The following EPCAM variants were observed in gnomAD, a reference collection of about 807,000 sequenced individuals.
The protein encoded by EPCAM is adenocarcinoma-associated antigen.
In EPCAM, 39 loss-of-function variants were observed where a neutral mutation model predicts 40.0. The observed-to-expected ratio is 0.98, with a 90% CI of 0.76 to 1.27. EPCAM has a LOEUF of 1.27. Among genes scored for constraint, EPCAM ranks in the 50% most tolerant of loss-of-function variants. The pLI, the probability that EPCAM is intolerant of heterozygous loss-of-function variation, is 0.00. For missense variants in EPCAM, 503 were observed against 381.2 expected, an observed-to-expected ratio of 1.32 and a Z score of -2.66; for synonymous variants, 168 against 132.3, an observed-to-expected ratio of 1.27 and a Z score of -1.85.
At position 47,386,997 on chromosome 2, in the gene EPCAM, T is replaced by C. The variant is rs1171409765; in HGVS notation, c.*384T>C. ...TACATACATACTTTTTTATGAGCTA[T>C]GAAATAAAACATTTTAAACTGAATT... On this transcript the variant is annotated 3_prime_UTR_variant, in exon 9 of 9. Transcript: ENST00000263735. The C allele has an allele frequency of 8.6e-6, 2 of 233,912 alleles. No individual in the cohort carries two copies. Among genetic ancestry groups the C allele is most frequent in the Non-Finnish European group, 1.7e-5 (2 of 119,140 alleles). The allele number at this position is 233,912 out of a possible 1,614,324, so 14.5% of individuals were successfully genotyped here. A position where few individuals can be genotyped will look rare whatever the true frequency, so the allele number is the denominator to read the frequency against.
chr2:47,383,855 TC>T (rs1451555034), intron 7 of EPCAM, among the ~76,000 whole-genome samples: 1 of 151,796 alleles, frequency 6.6e-6, no homozygotes, highest in Non-Finnish European at 1.5e-5. Context: ...CAGGCTGATC[TC>T]GAAATCCTGA....
At chr2:47,376,579 T>C (rs932834660) in intron 4 of EPCAM, among the ~76,000 whole-genome samples, 4 of 152,192 alleles carry the variant, frequency 2.6e-5, no homozygotes, top group African/African-American at 9.6e-5. Context: ...CCCTCTTAAC[T>C]AAAAGCAGGT....
In EPCAM at chr2:47,373,442, A is replaced by G. The variant is rs1573393200; in HGVS notation, c.77-21A>G. 3 of 1,399,974 alleles carry G rather than the reference A, an allele frequency of 2.1e-6. No individual in the cohort carries two copies. The South Asian group carries it at 3.6e-5, about 17-fold the overall frequency. 86.7% of individuals were successfully genotyped at this position (1,399,974 alleles called of 1,614,324 possible). ...TTAATAGATCCACATTTTAAAGTAG[A>G]TTTTTTTTTTAATTTTCTAGAATGT... On this transcript the variant is annotated intron_variant, in intron 1 of 8. Coordinates refer to ENST00000263735, the MANE Select transcript of EPCAM (RefSeq NM_002354.3).
Position 47,385,344 on chromosome 2 carries a change from C to T in EPCAM, c.903+134C>T, listed in dbSNP as rs778072517. ...ACTGTTGTCTTTAGGGTCTTAGGGA[C>T]AGTCTTAGAATGTACTCTTACCTAA... On this transcript the variant is annotated intron_variant, in intron 8 of 8. Coordinates refer to ENST00000263735, the MANE Select transcript of EPCAM (RefSeq NM_002354.3). 21 of 769,628 alleles carry T rather than the reference C, an allele frequency of 2.7e-5. No individual in the cohort carries two copies. The Middle Eastern group carries it at 2.4e-3, about 88-fold the overall frequency. 47.7% of individuals were successfully genotyped at this position (769,628 alleles called of 1,614,324 possible).
chr2:47,373,231 A>AAC lies in EPCAM; in HGVS notation c.77-231_77-230insCA, dbSNP rs1553342903. Among the ~76,000 whole-genome samples the AAC allele has an allele frequency of 1.2e-3, 170 of 137,330 alleles. 6 individuals are homozygous for AAC. The highest frequency in any genetic ancestry group is 3.6e-3 in the East Asian group (16 of 4,422). The allele number at this position is 137,330 out of a possible 152,430, so 90.1% of individuals were successfully genotyped here. A position where few individuals can be genotyped will look rare whatever the true frequency, so the allele number is the denominator to read the frequency against. ...AAAAAAAAAAAAAAAAAAAAAAAAA[A>AAC]AAAACAGGAATGCATGCAGATTAAA... is the stretch of plus-strand genomic sequence containing the variant. On this transcript the variant is annotated intron_variant, in intron 1 of 8. Coordinates refer to ENST00000263735, the MANE Select transcript of EPCAM (RefSeq NM_002354.3).
At chr2:47,378,014 C>G (rs952130248) in intron 5 of EPCAM, among the ~76,000 whole-genome samples, 3 of 152,000 alleles carry the variant, frequency 2.0e-5, no homozygotes, top group African/African-American at 7.2e-5. Flanking sequence ...AGGTGGATCA[C>G]AAGATCAGGA....
At chr2:47,369,820 G>A in intron 1 of EPCAM, 1 of 651,906 alleles carries the variant, frequency 1.5e-6, no homozygotes, top group Non-Finnish European at 2.9e-6. Flanking sequence ...GTAGGGAAAT[G>A]GCCTTGGGCG....
chr2:47,373,943 C>G lies in EPCAM; in HGVS notation c.320C>G (p.Ala107Gly), dbSNP rs863224710. The G allele has an allele frequency of 6.2e-7, 1 of 1,614,024 alleles. No individual in the cohort carries two copies. The highest frequency in any genetic ancestry group is 8.5e-7 in the Non-Finnish European group (1 of 1,180,014). ...PDCDESGLFK[A>G]KQCNGTSMCW... The stretch of plus-strand genomic sequence containing the variant: ...TGCGATGAGAGCGGGCTCTTTAAGG[C>G]CAAGCAGTGCAACGGCACCTCCATG... Residue 107 changes from alanine to glycine, a missense_variant, in exon 3 of 9, where the codon GCC (alanine) becomes GGC (glycine). Ala to Gly is a moderately conservative substitution (Grantham distance 60). Transcript: ENST00000263735.
At chr2:47,386,263 T>C (rs569001923) in intron 8 of EPCAM, among the ~76,000 whole-genome samples, 6 of 152,296 alleles carry the variant, frequency 3.9e-5, no homozygotes, top group Admixed American at 3.3e-4. Context: ...TAATAGAAAG[T>C]AAATCAATTT....
chr2:47,369,543 T>C lies in EPCAM; in HGVS notation c.38T>C (p.Leu13Pro), dbSNP rs776646187. ...PPQVLAFGLL[L>P]AAATATFAAA... ...CAGGTCCTCGCGTTCGGGCTTCTGC[T>C]TGCCGCGGCGACGGCGACTTTTGCC... Residue 13 changes from leucine (L) to proline (P), a missense_variant, in exon 1 of 9, where the codon CTT (leucine) becomes CCT (proline). Leu to Pro is a moderately conservative substitution (Grantham distance 98). Coordinates refer to ENST00000263735, the MANE Select transcript of EPCAM (RefSeq NM_002354.3). 2 of 1,585,028 alleles carry C rather than the reference T, an allele frequency of 1.3e-6. No homozygotes were observed. Among genetic ancestry groups the C allele is most frequent in the Non-Finnish European group, 1.7e-6 (2 of 1,170,078 alleles).
At position 47,385,267 on chromosome 2, in the gene EPCAM, A is replaced by G. The variant is rs1004073008; in HGVS notation, c.903+57A>G. On this transcript the variant is annotated intron_variant, in intron 8 of 8. Transcript: ENST00000263735. ...CCTGTTGAATCTCTTACTCCTAATC[A>G]CTCTACCTTCCTACACACTGATGCA... is the stretch of plus-strand genomic sequence containing the variant. 11 of 1,364,560 alleles carry G rather than the reference A, an allele frequency of 8.1e-6. No homozygotes were observed. In the Middle Eastern group the frequency reaches 5.4e-4, roughly 67 times the overall value. 84.5% of individuals were successfully genotyped at this position (1,364,560 alleles called of 1,614,324 possible). A position where few individuals can be genotyped will look rare whatever the true frequency, so the allele number is the denominator to read the frequency against.
intron 3 of EPCAM, among the ~76,000 whole-genome samples, chr2:47,374,761 A>T (rs901978506): frequency 1.3e-5 from 2 of 151,716 alleles, no homozygotes; most frequent in Non-Finnish European, 2.9e-5. Flanking sequence ...CTCCTGCCTT[A>T]GCCTCCTGAG....
intron 3 of EPCAM, 63 bp from the exon 4 acceptor site, chr2:47,375,171 T>A: frequency 8.1e-7 from 1 of 1,240,450 alleles, no homozygotes; most frequent in Non-Finnish European, 1.2e-6. Context: ...AGGATTAGCT[T>A]ATTAGGAAAA....
chr2:47,379,958 ATTG>A lies in EPCAM; in HGVS notation c.852_854del (p.Val285del), dbSNP rs1424757619. On this transcript the variant is annotated inframe_deletion, in exon 7 of 9. Transcript: ENST00000263735. ...TGTGGTGATAGCAGTTGTTGCTGGA[ATTG>A]TTGTGCTGGTGAGTACAGAACAAGT... 7 of 1,612,142 alleles carry A rather than the reference ATTG, an allele frequency of 4.3e-6. No individual in the cohort carries two copies. Among genetic ancestry groups the A allele is most frequent in the South Asian group, 3.3e-5 (3 of 90,910 alleles).
chr2:47,370,264 C>CT (rs1014491457), intron 1 of EPCAM, among the ~76,000 whole-genome samples: 1 of 152,092 alleles, frequency 6.6e-6, no homozygotes, highest in Admixed American at 6.6e-5. Flanking sequence ...ATCTTTCTTT[C>CT]TTTTTATTTA....
intron 3 of EPCAM, among the ~76,000 whole-genome samples, 194 bp from the exon 4 acceptor site, chr2:47,375,040 A>G (rs1047005333): frequency 3.3e-5 from 5 of 152,218 alleles, no homozygotes; most frequent in African/African-American, 9.7e-5. Context: ...CAGAGGGTCA[A>G]TATTAGAAAA....
chr2:47,372,501 C>T (rs193234792), intron 1 of EPCAM, among the ~76,000 whole-genome samples: 110 of 151,908 alleles, frequency 7.2e-4, no homozygotes, highest in Non-Finnish European at 1.2e-3. Flanking sequence ...AAGCCGGGCG[C>T]GGTGGCTGAC....
intron 1 of EPCAM, among the ~76,000 whole-genome samples, chr2:47,371,208 GT>G (rs1333039250): frequency 4.6e-5 from 7 of 152,136 alleles, no homozygotes; most frequent in Admixed American, 6.6e-5. Flanking sequence ...TAGACATGTA[GT>G]TTGATTTCAG....
At chr2:47,383,629 T>C (rs1217383867) in intron 7 of EPCAM, among the ~76,000 whole-genome samples, 10 of 86,616 alleles carry the variant, frequency 1.2e-4, no homozygotes, top group Non-Finnish European at 1.6e-4. Context: ...TTTTTTTTTT[T>C]TTTTTTTTTT....
Sources: allele counts gnomAD v4.1 joint callset (sites outside exome capture counted in the v4.1 genomes callset), GRCh38; gene constraint gnomAD v4.1.1; transcripts MANE v1.5; gene names NCBI Gene and HGNC (gene_info 2026-07-23, HGNC 2026-07-21).